GLG1: variants seen among roughly 807,000 people sequenced by gnomAD.
GLG1 encodes Golgi apparatus protein 1.
Under a neutral mutation model 160.5 loss-of-function variants are expected in GLG1, and 38 were observed. The observed-to-expected ratio is 0.24, with a 90% CI of 0.18 to 0.31. The LOEUF is 0.31. GLG1 is among the 10% of genes least tolerant of loss of function. GLG1 has a pLI of 1.00. For synonymous variants in GLG1, 644 were observed against 543.4 expected (o/e 1.19, Z -2.57); for missense variants, 1,373 against 1,505.2 (o/e 0.91, Z 1.45).
At chr16:74,472,695 T>C (rs1048788938) in intron 13 of GLG1, 3 of 590,268 alleles carry the variant, frequency 5.1e-6, no homozygotes, top group African/African-American at 1.9e-5. Context: ...AGCAATAACA[T>C]TAGAGTATGC....
At chr16:74,554,787 T>C (rs2018307764) in intron 1 of GLG1, among the ~76,000 whole-genome samples, 1 of 152,202 alleles carries the variant, frequency 6.6e-6, no homozygotes, top group Non-Finnish European at 1.5e-5. Context: ...TTTGTCACTT[T>C]AACTAGTTCT....
At chr16:74,527,749 T>G (rs1235896031) in intron 2 of GLG1, among the ~76,000 whole-genome samples, 1 of 152,030 alleles carries the variant, frequency 6.6e-6, no homozygotes, top group Non-Finnish European at 1.5e-5. Context: ...TTTTTTGAGA[T>G]AGAGTCTTGC....
chr16:74,587,387 C>T (rs527436327), intron 1 of GLG1, among the ~76,000 whole-genome samples: 27 of 152,076 alleles, frequency 1.8e-4, no homozygotes, highest in Non-Finnish European at 3.2e-4. Flanking sequence ...AATAGTGGAA[C>T]CAAGAAAGAG....
chr16:74,499,831 G>A (rs536111287), intron 4 of GLG1, among the ~76,000 whole-genome samples: 148 of 152,148 alleles, frequency 9.7e-4, no homozygotes, highest in African/African-American at 2.8e-3. Flanking sequence ...GTGAAACCCC[G>A]TCTCTACTAA....
chr16:74,600,319 G>C (rs975986251), intron 1 of GLG1, among the ~76,000 whole-genome samples: 1 of 151,854 alleles, frequency 6.6e-6, no homozygotes, highest in South Asian at 2.1e-4. Context: ...CTTGAGCCCA[G>C]GAGTTTGAGG....
intron 1 of GLG1, among the ~76,000 whole-genome samples, chr16:74,559,099 G>C (rs1006099918): frequency 6.6e-6 from 1 of 152,082 alleles, no homozygotes; most frequent in African/African-American, 2.4e-5. Context: ...ATGAACTCCA[G>C]GCTTCACGCA....
intron 18 of GLG1, among the ~76,000 whole-genome samples, chr16:74,466,036 T>C (rs1212651291): frequency 6.6e-6 from 1 of 152,170 alleles, no homozygotes; most frequent in African/African-American, 2.4e-5. Flanking sequence ...CAGGCTGTGC[T>C]CCAGCCTAAT....
At chr16:74,534,803 A>G (rs189941457) in intron 1 of GLG1, among the ~76,000 whole-genome samples, 93 of 152,320 alleles carry the variant, frequency 6.1e-4, no homozygotes, top group Non-Finnish European at 1.1e-3. Context: ...AAAAGCAAGC[A>G]CTGCAGTCCA....
At chr16:74,494,994 C>G (rs529359788) in intron 5 of GLG1, among the ~76,000 whole-genome samples, 163 bp from the exon 6 acceptor site, 18 of 151,810 alleles carry the variant, frequency 1.2e-4, no homozygotes, top group Admixed American at 1.1e-3. Context: ...TTAACAAAAA[C>G]AGTGACTGCA....
chr16:74,554,150 G>GA (rs1183318047), intron 1 of GLG1, among the ~76,000 whole-genome samples: 3 of 150,642 alleles, frequency 2.0e-5, no homozygotes, highest in Admixed American at 6.6e-5. Flanking sequence ...AATCAGTCAG[G>GA]AAAAAAAAAT....
intron 2 of GLG1, among the ~76,000 whole-genome samples, chr16:74,522,605 G>C (rs1216491299): frequency 6.6e-6 from 1 of 151,936 alleles, no homozygotes; most frequent in African/African-American, 2.4e-5. Context: ...ACATATTCTG[G>C]ATACACTGTC....
chr16:74,452,134 G>A lies in GLG1; in HGVS notation c.*1033C>T, dbSNP rs2014336090. The A allele has an allele frequency of 1.2e-6, 2 of 1,613,820 alleles. No individual in the cohort carries two copies. Among genetic ancestry groups the A allele is most frequent in the Non-Finnish European group, 1.7e-6 (2 of 1,179,840 alleles). On this transcript the variant is annotated 3_prime_UTR_variant, in exon 26 of 26. Coordinates refer to ENST00000422840, the MANE Select transcript of GLG1 (RefSeq NM_001145667.2). ...TTGTCTCTGACCTGTATTGTAGCCT[G>A]AAAAATAAAGCAAAGTGAGTCAAAC...
chr16:74,460,353 C>T (rs950877151), intron 22 of GLG1, among the ~76,000 whole-genome samples: 14 of 152,090 alleles, frequency 9.2e-5, no homozygotes, highest in African/African-American at 2.2e-4. Flanking sequence ...GATGGGGTTT[C>T]GCCATGTTGG....
intron 1 of GLG1, among the ~76,000 whole-genome samples, chr16:74,567,262 G>A (rs973089559): frequency 6.6e-6 from 1 of 151,942 alleles, no homozygotes; most frequent in Admixed American, 6.6e-5. Flanking sequence ...TGTTTCTTTT[G>A]TTTTGTTGGT....
Position 74,451,946 on chromosome 16 carries a change from A to T in GLG1, c.*1221T>A, listed in dbSNP as rs915407325. The T allele has an allele frequency of 1.5e-5, 13 of 852,628 alleles. No individual in the cohort carries two copies. Among genetic ancestry groups the T allele is most frequent in the Non-Finnish European group, 2.2e-5 (11 of 509,252 alleles). 52.8% of individuals were successfully genotyped at this position (852,628 alleles called of 1,614,324 possible). ...ACACGCAGCAAATGGACAGAAAGAA[A>T]AAAAACAGAGCAAATCCTCCATCTT... is the stretch of plus-strand genomic sequence containing the variant. On this transcript the variant is annotated 3_prime_UTR_variant, in exon 26 of 26. Transcript: ENST00000422840.
chr16:74,500,879 G>C (rs1031688416), intron 4 of GLG1, among the ~76,000 whole-genome samples: 1 of 152,088 alleles, frequency 6.6e-6, no homozygotes, highest in African/African-American at 2.4e-5. Context: ...CTTTATTAAT[G>C]TATCTTCTTT....
chr16:74,606,594 G>A, intron 1 of GLG1, 63 bp downstream of exon 1: 3 of 1,406,032 alleles, frequency 2.1e-6, no homozygotes, highest in South Asian at 2.8e-5. Flanking sequence ...CGGCTTCCAA[G>A]GCCGGCAACA....
chr16:74,455,335 C>T (rs2014492910), intron 25 of GLG1, among the ~76,000 whole-genome samples: 1 of 152,004 alleles, frequency 6.6e-6, no homozygotes, highest in South Asian at 2.1e-4. Flanking sequence ...AGTAGGGAGG[C>T]GTGAGATGAA....
intron 6 of GLG1, among the ~76,000 whole-genome samples, chr16:74,494,407 T>G (rs2016108833): frequency 1.4e-5 from 2 of 138,582 alleles, no homozygotes; most frequent in South Asian, 5.0e-4. Flanking sequence ...AGAAAGCTTT[T>G]TTTTTTTTTT....
Sources: allele counts gnomAD v4.1 joint callset (sites outside exome capture counted in the v4.1 genomes callset), GRCh38; gene constraint gnomAD v4.1.1; transcripts MANE v1.5; gene names NCBI Gene and HGNC (gene_info 2026-07-23, HGNC 2026-07-21).